The following CCDC178 variants were observed in gnomAD, a reference collection of about 807,000 sequenced individuals.
CCDC178 encodes coiled-coil domain-containing protein 178.
In CCDC178, 126 loss-of-function variants were observed where a neutral mutation model predicts 117.4. The observed-to-expected ratio is 1.07, with a 90% CI of 0.93 to 1.24. The LOEUF is 1.24. CCDC178 is among the 50% of genes most tolerant of loss of function. The pLI is 0.00. For synonymous variants in CCDC178, 283 were observed against 313.4 expected, an observed-to-expected ratio of 0.90 and a Z score of 1.02; for missense variants, 1,030 against 986.9, an observed-to-expected ratio of 1.04 and a Z score of -0.59.
At chr18:33,159,915 G>A (rs1386901040) in intron 20 of CCDC178, among the ~76,000 whole-genome samples, 1 of 152,038 alleles carries the variant, frequency 6.6e-6, no homozygotes, top group East Asian at 1.9e-4. Flanking sequence ...ACTTCTAACA[G>A]GACAGATGAC....
intron 10 of CCDC178, chr18:33,328,195 C>T (rs1599168248): frequency 3.9e-6 from 1 of 255,216 alleles, no homozygotes; most frequent in Non-Finnish European, 7.4e-6. Flanking sequence ...CCCGCCCCAC[C>T]GGGCTCAAGC....
At chr18:33,126,939 G>T (rs1238368586) in intron 20 of CCDC178, among the ~76,000 whole-genome samples, 1 of 150,306 alleles carries the variant, frequency 6.7e-6, no homozygotes, top group South Asian at 2.1e-4. Flanking sequence ...ATAGGCATGA[G>T]CCACTGTGCC....
chr18:33,156,782 G>A (rs2058404535), intron 20 of CCDC178, among the ~76,000 whole-genome samples: 1 of 152,152 alleles, frequency 6.6e-6, no homozygotes, highest in Admixed American at 6.5e-5. Flanking sequence ...CACTACGAGA[G>A]TTTCTGATCT....
chr18:33,244,928 C>G (rs752129219), intron 15 of CCDC178, among the ~76,000 whole-genome samples: 3 of 151,944 alleles, frequency 2.0e-5, no homozygotes, highest in Non-Finnish European at 4.4e-5. Flanking sequence ...CTTCCTACTA[C>G]AGGCAGACAT....
At chr18:33,093,705 A>G (rs1263931451) in intron 20 of CCDC178, among the ~76,000 whole-genome samples, 2 of 151,942 alleles carry the variant, frequency 1.3e-5, no homozygotes, top group Non-Finnish European at 2.9e-5. Flanking sequence ...TTGCACAGAA[A>G]ACTTACTCTG....
chr18:33,027,233 A>G (rs2056246635), intron 21 of CCDC178, among the ~76,000 whole-genome samples: 1 of 151,868 alleles, frequency 6.6e-6, no homozygotes, highest in South Asian at 2.1e-4. Context: ...TTAGTAAAAG[A>G]ATAAATAACT....
intron 20 of CCDC178, among the ~76,000 whole-genome samples, chr18:33,203,200 A>G (rs906697088): frequency 6.6e-6 from 1 of 152,086 alleles, no homozygotes; most frequent in South Asian, 2.1e-4. Flanking sequence ...TATGAACTGA[A>G]TTTTCATAGT....
Position 33,356,532 on chromosome 18 carries a change from TC to T in CCDC178, c.349-187del, listed in dbSNP as rs560283776. 3.0e-3 allele frequency among the ~76,000 whole-genome samples: 461 copies of T among 151,654 alleles called. 1 individual carries two copies. Among genetic ancestry groups the T allele is most frequent in the Middle Eastern group, 6.8e-3 (2 of 294 alleles). ...AAGCCCCCCCAACTGACTGAGTAGG[TC>T]CCCCCAACTCTTGGCCAAGGGGACC... is the stretch of plus-strand genomic sequence containing the variant. On this transcript the variant is annotated intron_variant, in intron 6 of 22. Transcript: ENST00000383096.
chr18:33,186,680 T>C (rs2058798488), intron 20 of CCDC178, among the ~76,000 whole-genome samples: 1 of 152,046 alleles, frequency 6.6e-6, no homozygotes, highest in African/African-American at 2.4e-5. Context: ...TGAATCTACC[T>C]AGCCTATAAA....
intron 17 of CCDC178, among the ~76,000 whole-genome samples, chr18:33,224,223 C>T (rs2059273418): frequency 1.3e-5 from 2 of 152,100 alleles, no homozygotes; most frequent in South Asian, 4.1e-4. Flanking sequence ...TAACTCTTGC[C>T]ACACCCTCTA....
At chr18:33,329,736 T>C (rs2062637477) in intron 10 of CCDC178, among the ~76,000 whole-genome samples, 1 of 152,176 alleles carries the variant, frequency 6.6e-6, no homozygotes, top group Non-Finnish European at 1.5e-5. Flanking sequence ...TCATAAGGTA[T>C]ACTGGTCTAT....
intron 2 of CCDC178, among the ~76,000 whole-genome samples, chr18:33,425,866 T>C (rs1404496932): frequency 1.3e-5 from 2 of 152,290 alleles, no homozygotes; most frequent in East Asian, 3.9e-4. Flanking sequence ...GTGGTGGTTC[T>C]ACAGCCAGTA....
chr18:33,324,741 T>C (rs1447836524), intron 10 of CCDC178, among the ~76,000 whole-genome samples: 2 of 151,970 alleles, frequency 1.3e-5, no homozygotes, highest in African/African-American at 4.8e-5. Flanking sequence ...ATTATGTGTC[T>C]ACATTAATTG....
At chr18:33,267,766 C>T (rs2059836125) in intron 12 of CCDC178, among the ~76,000 whole-genome samples, 1 of 151,228 alleles carries the variant, frequency 6.6e-6, no homozygotes, top group African/African-American at 2.4e-5. Context: ...AATATATCTT[C>T]AACTTTAGAT....
At chr18:32,971,846 C>A (rs923875024) in intron 22 of CCDC178, among the ~76,000 whole-genome samples, 3 of 152,060 alleles carry the variant, frequency 2.0e-5, no homozygotes, top group Non-Finnish European at 1.5e-5. Flanking sequence ...TGTTCATATC[C>A]TTTGCCGACA....
At chr18:33,237,968 G>T (rs2059445150) in intron 15 of CCDC178, among the ~76,000 whole-genome samples, 1 of 152,122 alleles carries the variant, frequency 6.6e-6, no homozygotes, top group Non-Finnish European at 1.5e-5. Context: ...AGCCCAGTGA[G>T]TCCACTCTTA....
At chr18:33,254,365 G>T (rs2059653958) in intron 14 of CCDC178, among the ~76,000 whole-genome samples, 1 of 150,526 alleles carries the variant, frequency 6.6e-6, no homozygotes, top group South Asian at 2.1e-4. Flanking sequence ...AAGCAAACCG[G>T]CAGTAACTGT....
At chr18:32,962,954 A>C (rs1477312868) in intron 22 of CCDC178, among the ~76,000 whole-genome samples, 1 of 152,052 alleles carries the variant, frequency 6.6e-6, no homozygotes, top group Non-Finnish European at 1.5e-5. Flanking sequence ...TATTTAGTAC[A>C]TTTCTGAAAT....
At chr18:33,281,555 G>A (rs2060025982) in intron 12 of CCDC178, among the ~76,000 whole-genome samples, 1 of 152,012 alleles carries the variant, frequency 6.6e-6, no homozygotes, top group African/African-American at 2.4e-5. Flanking sequence ...TGAACCAGTT[G>A]CCATACAAGA....
Sources: allele counts gnomAD v4.1 joint callset (sites outside exome capture counted in the v4.1 genomes callset), GRCh38; gene constraint gnomAD v4.1.1; transcripts MANE v1.5; gene names NCBI Gene and HGNC (gene_info 2026-07-23, HGNC 2026-07-21).